Variants in SIDT1 observed in about 807,000 individuals in gnomAD.
SIDT1 encodes the protein SID1 transmembrane family member 1.
SIDT1 carries 101 observed loss-of-function variants against 107.5 expected under a neutral mutation model. The ratio of observed to expected loss-of-function variants is 0.94; its 90% CI spans 0.80 to 1.11. The LOEUF is 1.11. SIDT1 is among the 50% of genes least tolerant of loss of function. The pLI, the probability that SIDT1 is intolerant of heterozygous loss-of-function variation, is 0.00. For missense variants in SIDT1, 1,076 were observed against 1,058.2 expected, an observed-to-expected ratio of 1.02 and a Z score of -0.23; for synonymous variants, 395 against 398.2, an observed-to-expected ratio of 0.99 and a Z score of 0.10.
chr3:113,611,941 G>T, intron 18 of SIDT1, 145 bp from the exon 19 acceptor site: 2 of 589,370 alleles, frequency 3.4e-6, no homozygotes, highest in Non-Finnish European at 6.0e-6. Context: ...TTGGGAGTAA[G>T]ATCCATGGGA....
chr3:113,593,908 C>G (rs933084427), intron 10 of SIDT1, among the ~76,000 whole-genome samples: 2 of 152,100 alleles, frequency 1.3e-5, no homozygotes, highest in Non-Finnish European at 2.9e-5. Flanking sequence ...AGAGTTTGAA[C>G]AAAAGAATTC....
chr3:113,592,651 G>T, intron 9 of SIDT1: 1 of 224,740 alleles, frequency 4.4e-6, no homozygotes, highest in Non-Finnish European at 8.9e-6. Flanking sequence ...GCAGTGGCAT[G>T]ATCTCAGCTC....
At chr3:113,632,343 T>A (rs1046504476), downstream of SIDT1, among the ~76,000 whole-genome samples, 2 of 152,176 alleles carry the variant, frequency 1.3e-5, no homozygotes, top group African/African-American at 4.8e-5. Context: ...ATTCAAACGC[T>A]CTCTCTTTTA....
At chr3:113,600,224 C>T (rs899665291) in intron 10 of SIDT1, among the ~76,000 whole-genome samples, 28 of 152,022 alleles carry the variant, frequency 1.8e-4, no homozygotes, top group Admixed American at 1.6e-3. Flanking sequence ...GCAGGAGAAT[C>T]GCTTGAACCC....
intron 1 of SIDT1, among the ~76,000 whole-genome samples, chr3:113,565,548 G>C (rs1267218276): frequency 6.6e-6 from 1 of 152,096 alleles, no homozygotes; most frequent in Non-Finnish European, 1.5e-5. Context: ...AAAAGAGAGA[G>C]AGGAAGAAAA....
At position 113,619,680 on chromosome 3, in the gene SIDT1, G is replaced by C. The variant is rs1420793115; in HGVS notation, c.2044G>C (p.Asp682His). The part of the protein sequence containing the change: ...IQQCSRPLYM[D>H]RMVLLVVGNL... ...TGATGTTTTCTTTCCTCTTTTCCAG[G>C]ATAGAATGGTGTTGCTGGTTGTGGG... is the stretch of plus-strand genomic sequence containing the variant. Residue 682 changes from aspartate to histidine, a missense_variant and splice_region_variant, in exon 21 of 25, where the codon GAT (aspartate) becomes CAT (histidine). Asp to His is a moderately conservative substitution (Grantham distance 81). Transcript: ENST00000264852. The C allele has an allele frequency of 6.2e-7, 1 of 1,613,964 alleles. No individual in the cohort carries two copies.
At chr3:113,591,755 T>C (rs543272562) in intron 9 of SIDT1, among the ~76,000 whole-genome samples, 2 of 152,306 alleles carry the variant, frequency 1.3e-5, no homozygotes, top group South Asian at 2.1e-4. Flanking sequence ...AAGTTAAACA[T>C]GGAGTTATCT....
In SIDT1 at chr3:113,576,902, C is replaced by T. The variant is rs1942947945; in HGVS notation, c.516-20C>T. ...TTCTCTCACTTTTCCCCTTTCCCTT[C>T]TGCCACTTACGTTTCTCAGGACAAA... is the stretch of plus-strand genomic sequence containing the variant. On this transcript the variant is annotated intron_variant, in intron 3 of 24. Coordinates refer to ENST00000264852, the MANE Select transcript of SIDT1 (RefSeq NM_017699.3). 1 of 1,613,624 alleles carries T rather than the reference C, an allele frequency of 6.2e-7. No individual in the cohort carries two copies. Among genetic ancestry groups the T allele is most frequent in the South Asian group, 1.1e-5 (1 of 91,064 alleles).
At position 113,566,338 on chromosome 3, in the gene SIDT1, T is replaced by TTGTGTGTGTGTG. The variant is rs55802002; in HGVS notation, c.223-66_223-55dup. On this transcript the variant is annotated intron_variant, in intron 1 of 24. Transcript: ENST00000264852. ...CTATGGTGTGTGTGTTTGTGTGTGT[T>TTGTGTGTGTGTG]TGTGTGTGTGTGTGTGTGTGTGTGT... is the stretch of plus-strand genomic sequence containing the variant. The TTGTGTGTGTGTG allele has an allele frequency of 1.4e-4, 158 of 1,099,458 alleles. No individual in the cohort carries two copies. The African/African-American group carries it at 2.3e-3, about 16-fold the overall frequency. The allele number at this position is 1,099,458 out of a possible 1,614,324, so 68.1% of individuals were successfully genotyped here. A position where few individuals can be genotyped will look rare whatever the true frequency, so the allele number is the denominator to read the frequency against.
At chr3:113,593,150 C>T in intron 10 of SIDT1, 102 bp downstream of exon 10, 2 of 995,590 alleles carry the variant, frequency 2.0e-6, no homozygotes, top group Non-Finnish European at 3.2e-6. Context: ...ATTTACAAAC[C>T]CTCCCTTGAT....
chr3:113,621,623 GAC>G (rs889427770), intron 21 of SIDT1, among the ~76,000 whole-genome samples: 1 of 152,144 alleles, frequency 6.6e-6, no homozygotes, highest in African/African-American at 2.4e-5. Context: ...AATGAAGAGA[GAC>G]GTCAGGTCCT....
intron 10 of SIDT1, among the ~76,000 whole-genome samples, chr3:113,597,461 C>T (rs972312807): frequency 3.4e-5 from 5 of 145,024 alleles, no homozygotes; most frequent in African/African-American, 7.8e-5. Context: ...CATGCCACTG[C>T]ACTCCAGCCT....
chr3:113,578,358 T>A (rs1358100407), intron 4 of SIDT1, among the ~76,000 whole-genome samples: 1 of 151,242 alleles, frequency 6.6e-6, no homozygotes, highest in Non-Finnish European at 1.5e-5. Context: ...TCCCAGCTAC[T>A]CGGGAGGCTG....
intron 5 of SIDT1, 61 bp from the exon 6 acceptor site, chr3:113,581,300 G>GTGGCATGACA: frequency 7.5e-7 from 1 of 1,336,390 alleles, no homozygotes; most frequent in Admixed American, 1.7e-5. Context: ...GGACCTATGT[G>GTGGCATGACA]TGGCATGACA....
rs146729638 is a variant in SIDT1 at position 113,583,668 on chromosome 3, A to C, written c.835+172A>C. Among the ~76,000 whole-genome samples, 817 of 152,374 alleles carry C rather than the reference A, an allele frequency of 5.4e-3. 1 individual carries two copies. Among genetic ancestry groups the C allele is most frequent in the Middle Eastern group, 0.02 (6 of 294 alleles). On this transcript the variant is annotated intron_variant, in intron 7 of 24. Transcript: ENST00000264852. ...AAAAAAACGAAAGATAGAAAGTAAC[A>C]GATCTAAAGGTATTATCGATACTAC...
intron 3 of SIDT1, among the ~76,000 whole-genome samples, chr3:113,572,989 T>C (rs1293010510): frequency 7.1e-6 from 1 of 140,698 alleles, no homozygotes. Flanking sequence ...AATAAAGATT[T>C]ACATTCCTTT....
rs749374328 is a variant in SIDT1, at chr3:113,610,690, C to T, written c.1721-318C>T. The stretch of plus-strand genomic sequence containing the variant: ...AATTGTTGAACACCAGCATCTAAAA[C>T]GCAAGTGGGGGTAGTTGTTTGTTTA... On this transcript the variant is annotated intron_variant, in intron 17 of 24. Coordinates refer to ENST00000264852, the MANE Select transcript of SIDT1 (RefSeq NM_017699.3). 5.9e-5 allele frequency among the ~76,000 whole-genome samples: 9 copies of T among 152,152 alleles called. No homozygotes were observed. The South Asian group carries it at 6.2e-4, about 11-fold the overall frequency.
intron 1 of SIDT1, among the ~76,000 whole-genome samples, chr3:113,541,466 G>A (rs539023805): frequency 9.9e-5 from 15 of 152,128 alleles, no homozygotes; most frequent in South Asian, 4.1e-4. Flanking sequence ...CTCCGGGCCC[G>A]GCCAGTACAT....
chr3:113,630,285 A>G (rs1230561599), downstream of SIDT1, among the ~76,000 whole-genome samples: 1 of 152,232 alleles, frequency 6.6e-6, no homozygotes, highest in Non-Finnish European at 1.5e-5. Context: ...CACATAAAAA[A>G]TGACCTCTTC....
Sources: allele counts gnomAD v4.1 joint callset (sites outside exome capture counted in the v4.1 genomes callset), GRCh38; gene constraint gnomAD v4.1.1; transcripts MANE v1.5; gene names NCBI Gene and HGNC (gene_info 2026-07-23, HGNC 2026-07-21).